SOX6: variants seen among roughly 807,000 people sequenced by gnomAD.
SOX6 encodes the protein SRY-box transcription factor 6, also known as transcription factor SOX-6.
A neutral mutation model predicts 97.8 loss-of-function variants in SOX6; 11 were observed. The ratio of observed to expected loss-of-function variants is 0.11; its 90% confidence interval spans 0.07 to 0.19. SOX6 has a LOEUF of 0.19. SOX6 is among the 10% of genes least tolerant of loss of function. SOX6 has a pLI of 1.00. For missense variants in SOX6, 810 were observed against 1,039.5 expected (o/e 0.78, Z 3.04); for synonymous variants, 360 against 371.4 (o/e 0.97, Z 0.35).
intron 4 of SOX6, among the ~76,000 whole-genome samples, chr11:16,196,190 A>G (rs532706828): frequency 1.3e-5 from 2 of 152,338 alleles, no homozygotes; most frequent in South Asian, 2.1e-4. Context: ...CAACAGTCCT[A>G]TGAAGTAGGT....
intron 9 of SOX6, among the ~76,000 whole-genome samples, chr11:16,077,286 C>T (rs199837632): frequency 1.3e-5 from 2 of 152,180 alleles, no homozygotes; most frequent in East Asian, 3.9e-4. Flanking sequence ...AAGATGCCAT[C>T]TCCCACCAGT....
At chr11:16,383,519 T>A (rs1397232378) in intron 1 of SOX6, among the ~76,000 whole-genome samples, 1 of 151,932 alleles carries the variant, frequency 6.6e-6, no homozygotes, top group African/African-American at 2.4e-5. Flanking sequence ...TGAGTCCAGG[T>A]ATCTTTATCT....
chr11:16,402,591 G>A (rs376913231), intron 1 of SOX6: 16 of 1,452,212 alleles, frequency 1.1e-5, no homozygotes, highest in Middle Eastern at 1.7e-4. Context: ...AAGAAATATC[G>A]CTTTGTTTAA....
chr11:16,407,881 A>G (rs1565135109), intron 1 of SOX6, among the ~76,000 whole-genome samples: 1 of 152,180 alleles, frequency 6.6e-6, no homozygotes, highest in Non-Finnish European at 1.5e-5. Context: ...ACTAATACAG[A>G]AAGGAAAAAA....
intron 4 of SOX6, among the ~76,000 whole-genome samples, chr11:16,191,220 C>T (rs976560734): frequency 1.6e-4 from 25 of 152,002 alleles, no homozygotes; most frequent in Admixed American, 1.3e-3. Flanking sequence ...TTTGAGAGGC[C>T]GAGGTGGGGG....
At chr11:16,404,637 T>C (rs1858647156) in intron 1 of SOX6, among the ~76,000 whole-genome samples, 1 of 151,888 alleles carries the variant, frequency 6.6e-6, no homozygotes, top group Non-Finnish European at 1.5e-5. Flanking sequence ...AAGAAACACA[T>C]GAAAATTTGA....
chr11:16,358,362 T>C (rs1462406448), upstream of SOX6, among the ~76,000 whole-genome samples: 3 of 152,078 alleles, frequency 2.0e-5, no homozygotes, highest in African/African-American at 7.2e-5. Flanking sequence ...TAAAAATATA[T>C]TTTACAAGAA....
chr11:16,098,762 T>C (rs1848864787), intron 7 of SOX6, among the ~76,000 whole-genome samples: 1 of 151,846 alleles, frequency 6.6e-6, no homozygotes, highest in South Asian at 2.1e-4. Context: ...TTGTTTTGCA[T>C]GAACTTTCCA....
intron 3 of SOX6, among the ~76,000 whole-genome samples, chr11:16,629,191 CT>C (rs1438125745): frequency 6.6e-6 from 1 of 152,118 alleles, no homozygotes; most frequent in African/African-American, 2.4e-5. Context: ...AAGGGGAATG[CT>C]TTTAGTTTTT....
At chr11:16,049,638 A>G (rs1564926105) in intron 11 of SOX6, 117 bp downstream of exon 11, 5 of 1,175,844 alleles carry the variant, frequency 4.3e-6, no homozygotes, top group Non-Finnish European at 3.7e-6. Flanking sequence ...AGAAAAGATA[A>G]GAGTATTATC....
intron 3 of SOX6, among the ~76,000 whole-genome samples, chr11:16,687,290 G>A (rs185481180): frequency 1.4e-4 from 21 of 152,314 alleles, no homozygotes; most frequent in African/African-American, 4.3e-4. Flanking sequence ...GCAGGAGCAC[G>A]CATCTCACAT....
chr11:16,062,005 C>T lies in SOX6; in HGVS notation c.1102-6104G>A, dbSNP rs186594521. ...GGCAAAGAATTCATAACTAAAACCT[C>T]AAACACAAAAGAAACAAAAACAAAA... On this transcript the variant is annotated intron_variant, in intron 9 of 15. Coordinates refer to ENST00000683767, the MANE Select transcript of SOX6 (RefSeq NM_001367873.1). 7.2e-5 allele frequency among the ~76,000 whole-genome samples: 11 copies of T among 151,796 alleles called. No homozygotes were observed. The East Asian group carries it at 2.1e-3, about 29-fold the overall frequency.
chr11:16,707,258 T>A (rs1403765343), intron 3 of SOX6, among the ~76,000 whole-genome samples: 1 of 152,078 alleles, frequency 6.6e-6, no homozygotes, highest in Non-Finnish European at 1.5e-5. Context: ...ATATAGTTAG[T>A]TTTAAATGTA....
chr11:16,617,361 A>T (rs2133986437), intron 3 of SOX6, among the ~76,000 whole-genome samples: 1 of 152,008 alleles, frequency 6.6e-6, no homozygotes, highest in Admixed American at 6.5e-5. Flanking sequence ...GGGGGAAAAT[A>T]CTAAACTCAA....
Position 15,972,766 on chromosome 11 carries a change from G to C in SOX6, c.*43C>G, listed in dbSNP as rs1564886869. The C allele has an allele frequency of 3.1e-6, 5 of 1,601,926 alleles. No homozygotes were observed. The highest frequency in any genetic ancestry group is 1.7e-4 in the Middle Eastern group (1 of 5,972). On this transcript the variant is annotated 3_prime_UTR_variant, in exon 16 of 16. Transcript: ENST00000683767. ...TTTAATAACTCTTTGTTGGGGAGGG[G>C]GGTGAAATGTCAGAGTACTTTAATT...
intron 6 of SOX6, among the ~76,000 whole-genome samples, chr11:16,152,352 C>T (rs1304671916): frequency 3.3e-5 from 5 of 152,150 alleles, no homozygotes; most frequent in Admixed American, 3.3e-4. Context: ...CAGCTCTGTT[C>T]AGTATCTGGA....
intron 6 of SOX6, among the ~76,000 whole-genome samples, chr11:16,121,356 G>A (rs1040788764): frequency 1.3e-5 from 2 of 152,008 alleles, no homozygotes; most frequent in African/African-American, 4.8e-5. Context: ...AGACTCATGA[G>A]AAACATGCTA....
intron 3 of SOX6, among the ~76,000 whole-genome samples, chr11:16,249,096 CAA>C (rs1554948939): frequency 1.4e-5 from 2 of 146,790 alleles, no homozygotes; most frequent in Non-Finnish European, 3.0e-5. Context: ...GGCTCTGTCT[CAA>C]AAAAAAAAAA....
At chr11:16,310,139 C>T (rs1855556101) in intron 3 of SOX6, among the ~76,000 whole-genome samples, 2 of 152,004 alleles carry the variant, frequency 1.3e-5, no homozygotes, top group Non-Finnish European at 2.9e-5. Flanking sequence ...CAGAGACACA[C>T]AAATTGAAGT....
Sources: allele counts gnomAD v4.1 joint callset (sites outside exome capture counted in the v4.1 genomes callset), GRCh38; gene constraint gnomAD v4.1.1; transcripts MANE v1.5; gene names NCBI Gene and HGNC (gene_info 2026-07-23, HGNC 2026-07-21).